The following DNAH8 variants were observed in gnomAD, a reference collection of about 807,000 sequenced individuals.
DNAH8 encodes axonemal beta dynein heavy chain 8.
A neutral mutation model predicts 562.1 loss-of-function variants in DNAH8; 382 were observed. The ratio of observed to expected loss-of-function variants is 0.68; its 90% confidence interval spans 0.63 to 0.74. The LOEUF (loss-of-function observed/expected upper bound fraction) is 0.74. DNAH8 is among the 30% of genes least tolerant of loss of function. The probability of loss-of-function intolerance (pLI) is 0.00; values close to 1 mark genes in which losing one functional copy is unlikely to be tolerated. For synonymous variants in DNAH8, 1,881 were observed against 1,919.4 expected (o/e 0.98, Z 0.52); for missense variants, 5,203 against 5,620.4 (o/e 0.93, Z 2.37).
intron 66 of DNAH8, 51 bp downstream of exon 66, chr6:38,911,637 T>C: frequency 3.3e-6 from 4 of 1,222,542 alleles, no homozygotes; most frequent in Admixed American, 1.9e-5. Flanking sequence ...GTTTATTTGA[T>C]AGGGATCTCA....
At chr6:38,745,747 C>T (rs1028337808) in intron 8 of DNAH8, among the ~76,000 whole-genome samples, 1 of 152,154 alleles carries the variant, frequency 6.6e-6, no homozygotes, top group East Asian at 1.9e-4. Context: ...AGTTATACTT[C>T]ATGAGCTTGA....
At chr6:38,829,261 A>C (rs1022947573) in intron 30 of DNAH8, among the ~76,000 whole-genome samples, 2 of 152,088 alleles carry the variant, frequency 1.3e-5, no homozygotes, top group African/African-American at 4.8e-5. Flanking sequence ...TGTGATTTGC[A>C]AATGTTTTCT....
At chr6:38,716,810 T>G (rs554757118) in intron 1 of DNAH8, 1 of 152,328 alleles carries the variant, frequency 6.6e-6, no homozygotes, top group East Asian at 1.9e-4. Flanking sequence ...TGTGGTTGAA[T>G]TGGCTGTACC....
At position 38,867,752 on chromosome 6, in the gene DNAH8, CAA is replaced by C. The variant is rs68060910; in HGVS notation, c.6694-291_6694-290del. Reference sequence around the variant, plus strand: ...TGGATGACAGAGTGAGACTCCATCTCAAAAAAAAAAAAAAAAAAAACAAAAAA... The same window carrying C: ...TGGATGACAGAGTGAGACTCCATCTCAAAAAAAAAAAAAAAAAACAAAAAA... On this transcript the variant is annotated intron_variant, in intron 47 of 92. Transcript: ENST00000327475. Among the ~76,000 whole-genome samples, 15,493 of 87,602 alleles carry C rather than the reference CAA, an allele frequency of 0.18. 557 individuals carry two copies. Among genetic ancestry groups the C allele is most frequent in the Admixed American group, 0.23 (1,924 of 8,350 alleles). The allele number at this position is 87,602 out of a possible 152,430, so 57.5% of individuals were successfully genotyped here. A position where few individuals can be genotyped will look rare whatever the true frequency, so the allele number is the denominator to read the frequency against.
intron 89 of DNAH8, among the ~76,000 whole-genome samples, chr6:39,011,158 AAACAACCC>A (rs60998126): frequency 0.11 from 16,550 of 152,058 alleles, 1,082 homozygotes; most frequent in Admixed American, 0.2. Context: ...CACTCACTAG[AAACAACCC>A]AATTGCAGTA....
At chr6:38,733,689 T>C (rs1327945917) in intron 4 of DNAH8, among the ~76,000 whole-genome samples, 1 of 152,046 alleles carries the variant, frequency 6.6e-6, no homozygotes. Context: ...GCCGGGCAGA[T>C]CACTTGAGGT....
chr6:38,857,385 C>T (rs1002022073), intron 41 of DNAH8, 133 bp from the exon 42 acceptor site: 2 of 624,286 alleles, frequency 3.2e-6, no homozygotes, highest in Non-Finnish European at 5.7e-6. Flanking sequence ...TAACTGTTTC[C>T]CTCCTTTGGG....
intron 20 of DNAH8, 116 bp from the exon 21 acceptor site, chr6:38,791,439 T>C (rs1018761671): frequency 4.8e-6 from 6 of 1,247,262 alleles, no homozygotes; most frequent in African/African-American, 4.6e-5. Flanking sequence ...TGGCTCAAGA[T>C]GCAAGTTTCT....
At chr6:38,905,588 A>C (rs1456457286) in intron 62 of DNAH8, among the ~76,000 whole-genome samples, 2 of 152,176 alleles carry the variant, frequency 1.3e-5, no homozygotes, top group African/African-American at 4.8e-5. Flanking sequence ...TGAGTTTTAG[A>C]TATTATATAT....
rs554151668 is a variant in DNAH8, at chr6:38,737,772, A to G, written c.953-37A>G. 5 of 921,088 alleles carry G rather than the reference A, an allele frequency of 5.4e-6. No homozygotes were observed. In the African/African-American group the frequency reaches 8.9e-5, roughly 16 times the overall value. 57.1% of individuals were successfully genotyped at this position (921,088 alleles called of 1,614,324 possible). On this transcript the variant is annotated intron_variant, in intron 6 of 92. Transcript: ENST00000327475. ...TTAATATATTTAAAATATTTAATATATAAATTAGTATTAAATGTCTTTTTT... is the reference window on the plus strand; with the variant it reads ...TTAATATATTTAAAATATTTAATATGTAAATTAGTATTAAATGTCTTTTTT...
intron 78 of DNAH8, 29 bp from the exon 79 acceptor site, chr6:38,938,766 TTTG>T: frequency 6.6e-7 from 1 of 1,525,262 alleles, no homozygotes; most frequent in Non-Finnish European, 8.9e-7. Context: ...GAAATTGCCC[TTTG>T]CTTCTTTGAT....
chr6:39,022,254 C>G (rs1337287424), intron 91 of DNAH8, among the ~76,000 whole-genome samples: 3 of 152,162 alleles, frequency 2.0e-5, no homozygotes, highest in Non-Finnish European at 4.4e-5. Flanking sequence ...AAGCTGCAGG[C>G]TTTGGGTTGG....
At chr6:38,884,914 A>G (rs1196457451) in intron 56 of DNAH8, among the ~76,000 whole-genome samples, 1 of 150,838 alleles carries the variant, frequency 6.6e-6, no homozygotes, top group African/African-American at 2.4e-5. Flanking sequence ...GATCCCCAAC[A>G]CTTTCCTCCC....
chr6:38,992,843 AT>A (rs759815870), intron 88 of DNAH8, among the ~76,000 whole-genome samples: 3 of 152,196 alleles, frequency 2.0e-5, no homozygotes, highest in Non-Finnish European at 2.9e-5. Flanking sequence ...TTGACTTTTT[AT>A]TTGGAATGAT....
intron 88 of DNAH8, among the ~76,000 whole-genome samples, chr6:38,996,402 A>G (rs1271806860): frequency 6.6e-6 from 1 of 152,156 alleles, no homozygotes; most frequent in East Asian, 1.9e-4. Context: ...CTCCACAGTC[A>G]TTTATACAAT....
intron 71 of DNAH8, among the ~76,000 whole-genome samples, chr6:38,921,764 C>T (rs750786805): frequency 2.0e-5 from 3 of 152,136 alleles, no homozygotes; most frequent in Non-Finnish European, 4.4e-5. Flanking sequence ...GGCTTTCACG[C>T]GCGTCCATGT....
chr6:39,026,396 A>G (rs1229085625), intron 91 of DNAH8, 150 bp from the exon 92 acceptor site: 2 of 698,568 alleles, frequency 2.9e-6, no homozygotes, highest in African/African-American at 1.8e-5. Context: ...ACACTGAGAC[A>G]AATGTCTCCC....
At chr6:38,780,658 A>G (rs1376480079) in intron 15 of DNAH8, among the ~76,000 whole-genome samples, 3 of 152,146 alleles carry the variant, frequency 2.0e-5, no homozygotes, top group Non-Finnish European at 4.4e-5. Flanking sequence ...CATGGACACA[A>G]AGAAGGGAAC....
chr6:38,934,155 C>G (rs562408882), intron 76 of DNAH8, among the ~76,000 whole-genome samples: 1 of 151,926 alleles, frequency 6.6e-6, no homozygotes, highest in Non-Finnish European at 1.5e-5. Context: ...GAGTTTGAGA[C>G]CAGCCTGGCC....
Sources: gnomAD v4.1 joint callset for allele counts (sites outside exome capture counted in the v4.1 genomes callset) on GRCh38, gnomAD v4.1.1 for gene constraint, MANE v1.5 for transcripts, NCBI Gene and HGNC (gene_info 2026-07-23, HGNC 2026-07-21) for gene names.